The following DOCK5 variants were observed in gnomAD, a reference collection of about 807,000 sequenced individuals.
DOCK5 encodes dedicator of cytokinesis 5, also known as dedicator of cytokinesis protein 5.
Under a neutral mutation model 251.8 loss-of-function variants are expected in DOCK5, and 142 were observed. That is an observed-to-expected ratio of 0.56 (90% CI 0.49 to 0.65). DOCK5 has a LOEUF of 0.65. Ranked by LOEUF, DOCK5 falls within the 30% of genes least tolerant of loss-of-function variation. The pLI, the probability that DOCK5 is intolerant of heterozygous loss-of-function variation, is 0.00. For synonymous variants in DOCK5, 842 were observed against 835.5 expected (o/e 1.01, Z -0.13); for missense variants, 2,111 against 2,312.3 (o/e 0.91, Z 1.79).
At position 25,231,086 on chromosome 8, in the gene DOCK5, C is replaced by G. The variant is rs531638564; in HGVS notation, c.44-12588C>G. On this transcript the variant is annotated intron_variant, in intron 1 of 51. Transcript: ENST00000276440. ...CCTCCTTTTTTTTCTGTAGTTTTATCATCCATACACATATGTATATGCAAA... is the reference window on the plus strand; with the variant it reads ...CCTCCTTTTTTTTCTGTAGTTTTATGATCCATACACATATGTATATGCAAA... 2.0e-3 allele frequency among the ~76,000 whole-genome samples: 299 copies of G among 152,084 alleles called. 1 individual carries two copies. Among genetic ancestry groups the G allele is most frequent in the African/African-American group, 6.8e-3 (281 of 41,496 alleles).
At chr8:25,281,166 C>T (rs2117133538) in intron 5 of DOCK5, among the ~76,000 whole-genome samples, 1 of 152,094 alleles carries the variant, frequency 6.6e-6, no homozygotes, top group Non-Finnish European at 1.5e-5. Flanking sequence ...GTGGCTCGTG[C>T]CTGTAATCCC....
chr8:25,362,218 T>C (rs767693660), intron 28 of DOCK5, among the ~76,000 whole-genome samples: 49 of 152,188 alleles, frequency 3.2e-4, no homozygotes, highest in Non-Finnish European at 5.7e-4. Flanking sequence ...CTTGTGTGTA[T>C]CACTGTGTCC....
intron 34 of DOCK5, among the ~76,000 whole-genome samples, chr8:25,371,108 G>T (rs957435504): frequency 6.6e-6 from 1 of 151,974 alleles, no homozygotes; most frequent in Admixed American, 6.6e-5. Context: ...TTCGCCTGTT[G>T]TGTGTGAGTT....
intron 3 of DOCK5, among the ~76,000 whole-genome samples, chr8:25,271,814 C>T (rs1281145887): frequency 6.6e-6 from 1 of 152,110 alleles, no homozygotes; most frequent in African/African-American, 2.4e-5. Context: ...AACACATGAC[C>T]TAGGTTTACT....
intron 14 of DOCK5, among the ~76,000 whole-genome samples, chr8:25,318,754 G>A (rs753611043): frequency 7.9e-5 from 12 of 151,926 alleles, no homozygotes; most frequent in South Asian, 6.2e-4. Context: ...ACCTCTTCTC[G>A]TATGAGCCGT....
intron 13 of DOCK5, among the ~76,000 whole-genome samples, 171 bp downstream of exon 13, chr8:25,310,703 C>T (rs2709632): frequency 0.87 from 132,378 of 152,196 alleles, 57,637 homozygotes; most frequent in Middle Eastern, 0.95. Flanking sequence ...TTAGGTGCTT[C>T]CTAATTTGTC....
chr8:25,194,900 G>A (rs1586218157), intron 1 of DOCK5, among the ~76,000 whole-genome samples: 1 of 146,718 alleles, frequency 6.8e-6, no homozygotes, highest in East Asian at 2.0e-4. Flanking sequence ...ATTAGCGTCT[G>A]CAGGGCTACT....
intron 1 of DOCK5, among the ~76,000 whole-genome samples, chr8:25,190,481 G>A (rs566741872): frequency 2.6e-5 from 4 of 152,204 alleles, no homozygotes; most frequent in Admixed American, 2.0e-4. Flanking sequence ...CTGTTTTATT[G>A]GTGACAGTAT....
Position 25,408,797 on chromosome 8 carries a change from C to T in DOCK5, c.5266-5C>T, listed in dbSNP as rs1313006791. On this transcript the variant is annotated splice_polypyrimidine_tract_variant and splice_region_variant and intron_variant, in intron 49 of 51. Transcript: ENST00000276440. ...AAATGTTTTGCTTTTTCTCTCTGGT[C>T]CTAGAGCCCAACCAGAAAAGCACAA... 1 of 1,613,774 alleles carries T rather than the reference C, an allele frequency of 6.2e-7. No individual in the cohort carries two copies. The highest frequency in any genetic ancestry group is 1.3e-5 in the African/African-American group (1 of 74,908).
chr8:25,304,353 G>C lies in DOCK5; in HGVS notation c.1049+26G>C, dbSNP rs115864988. The C allele has an allele frequency of 4.9e-4, 780 of 1,581,142 alleles. 3 individuals are homozygous for C. In the African/African-American group the frequency reaches 9.7e-3, roughly 20 times the overall value. On this transcript the variant is annotated intron_variant, in intron 11 of 51. Transcript: ENST00000276440. The stretch of plus-strand genomic sequence containing the variant: ...GTAAGTACTTTGGCATGTGTCCCAG[G>C]TGACTTGAGACCTGGATTAGCCATT...
At chr8:25,266,991 C>T (rs1377259533) in intron 2 of DOCK5, among the ~76,000 whole-genome samples, 1 of 152,146 alleles carries the variant, frequency 6.6e-6, no homozygotes, top group Admixed American at 6.5e-5. Flanking sequence ...TTATAGGGCA[C>T]AGAACGATGA....
In DOCK5 at chr8:25,392,812, G is replaced by A. The variant is rs146409120; in HGVS notation, c.4457G>A (p.Arg1486Gln). ...DNEFATMWIERTTYTTAYTFP... is the reference protein window; with the variant it reads ...DNEFATMWIEQTTYTTAYTFP... The stretch of plus-strand genomic sequence containing the variant: ...TGCCACCAGACGATGTGGATTGAAC[G>A]GACCACGTATACGACTGCATATACC... Residue 1486 changes from arginine to glutamine, a missense_variant, in exon 44 of 52, where the codon CGG becomes CAG. Physicochemically the swap from Arg to Gln is conservative, Grantham distance 43. Transcript: ENST00000276440. 15 of 1,612,792 alleles carry A rather than the reference G, an allele frequency of 9.3e-6. No individual in the cohort carries two copies. Among genetic ancestry groups the A allele is most frequent in the Admixed American group, 3.3e-5 (2 of 59,888 alleles).
chr8:25,250,995 C>G (rs570166288), intron 2 of DOCK5, among the ~76,000 whole-genome samples: 86 of 152,204 alleles, frequency 5.7e-4, no homozygotes, highest in African/African-American at 2.1e-3. Flanking sequence ...TGCATAGTAC[C>G]TTGTATGTGT....
chr8:25,381,120 G>T (rs1351813457), intron 39 of DOCK5, among the ~76,000 whole-genome samples: 1 of 151,978 alleles, frequency 6.6e-6, no homozygotes, highest in Non-Finnish European at 1.5e-5. Flanking sequence ...ATGCCTGATG[G>T]TAGGCAGCCA....
At chr8:25,296,910 A>T (rs73560419) in intron 7 of DOCK5, among the ~76,000 whole-genome samples, 2,099 of 152,270 alleles carry the variant, frequency 0.014, 48 homozygotes, top group African/African-American at 0.047. Context: ...TGTTTCAAAA[A>T]ATGTATATAA....
At chr8:25,185,442 G>A (rs1801409131) in intron 1 of DOCK5, among the ~76,000 whole-genome samples, 1 of 152,136 alleles carries the variant, frequency 6.6e-6, no homozygotes, top group Non-Finnish European at 1.5e-5. Context: ...GTGGAAAGCC[G>A]CCCTGCCCCC....
At chr8:25,350,136 C>T (rs866290994) in intron 26 of DOCK5, among the ~76,000 whole-genome samples, 55 of 152,172 alleles carry the variant, frequency 3.6e-4, no homozygotes, top group South Asian at 1.7e-3. Flanking sequence ...TTAATTTGAC[C>T]GTGGAAATCA....
intron 13 of DOCK5, among the ~76,000 whole-genome samples, chr8:25,310,759 A>C (rs555215283): frequency 2.8e-4 from 43 of 152,306 alleles, no homozygotes; most frequent in African/African-American, 1.0e-3. Context: ...CCTTACCATG[A>C]AGTCTTTTCC....
chr8:25,356,693 C>A (rs549726561), intron 27 of DOCK5, among the ~76,000 whole-genome samples: 263 of 151,852 alleles, frequency 1.7e-3, no homozygotes, highest in African/African-American at 5.6e-3. Flanking sequence ...AATTAGTTAA[C>A]AATTTGGAAA....
Sources: gnomAD v4.1 joint callset for allele counts (sites outside exome capture counted in the v4.1 genomes callset) on GRCh38, gnomAD v4.1.1 for gene constraint, MANE v1.5 for transcripts, NCBI Gene and HGNC (gene_info 2026-07-23, HGNC 2026-07-21) for gene names.